Variants in SLC66A2 observed in about 807,000 individuals in gnomAD.
The protein encoded by SLC66A2 is PQ loop repeat containing 1.
Under a neutral mutation model 25.5 loss-of-function variants are expected in SLC66A2, and 23 were observed. The ratio of observed to expected loss-of-function variants is 0.90; its 90% CI spans 0.65 to 1.28. SLC66A2 has a LOEUF of 1.28. SLC66A2 is among the 50% of genes most tolerant of loss of function. The probability of loss-of-function intolerance (pLI) is 0.00; values close to 1 mark genes in which losing one functional copy is unlikely to be tolerated. For missense variants in SLC66A2, 396 were observed against 373.1 expected, an observed-to-expected ratio of 1.06 and a Z score of -0.51; for synonymous variants, 193 against 166.5, an observed-to-expected ratio of 1.16 and a Z score of -1.23.
intron 2 of SLC66A2, 79 bp downstream of exon 2, chr18:79,950,645 C>A: frequency 1.4e-6 from 2 of 1,445,312 alleles, no homozygotes; most frequent in Non-Finnish European, 1.9e-6. Context: ...CCCTGCTGCT[C>A]CCCCGGCCTC....
chr18:79,927,488 G>T lies in SLC66A2; in HGVS notation c.391+6481C>A, dbSNP rs1986096235. ...AAAGACGGCCACACCACCTGCTGCA[G>T]AATGAGTATAAATGCCCTTCTTAGC... On this transcript the variant is annotated intron_variant, in intron 4 of 5. Transcript: ENST00000397778. This position sits in a 1 kb window ranked among gnomAD's most constrained non-coding sequence, Gnocchi z 6.2. 6.6e-6 allele frequency among the ~76,000 whole-genome samples: 1 copy of T among 152,260 alleles called. No homozygotes were observed. Among genetic ancestry groups the T allele is most frequent in the South Asian group, 2.1e-4 (1 of 4,834 alleles).
chr18:79,912,107 TG>T (rs1270341909), intron 5 of SLC66A2, among the ~76,000 whole-genome samples: 3 of 12,986 alleles, frequency 2.3e-4, no homozygotes, highest in East Asian at 2.7e-3. Context: ...GGGACAGGAG[TG>T]GGGGGGACGG....
rs984611144 is a variant in SLC66A2 at position 79,922,065 on chromosome 18, C to T, written c.392-2665G>A. 4.2e-4 allele frequency among the ~76,000 whole-genome samples: 63 copies of T among 150,964 alleles called. 1 individual carries two copies. Among genetic ancestry groups the T allele is most frequent in the African/African-American group, 6.4e-4 (26 of 40,548 alleles). On this transcript the variant is annotated intron_variant, in intron 4 of 5. Coordinates refer to ENST00000397778, the MANE Select transcript of SLC66A2 (RefSeq NM_025078.5). Reference sequence around the variant, plus strand: ...TCGGTGAGGAGAGATGGGAACTGAGCGAGGGGTCAAATCAGGGAGGAGCCA... The same window carrying T: ...TCGGTGAGGAGAGATGGGAACTGAGTGAGGGGTCAAATCAGGGAGGAGCCA...
chr18:79,938,883 G>A (rs1193827888), intron 3 of SLC66A2, among the ~76,000 whole-genome samples: 1 of 152,078 alleles, frequency 6.6e-6, no homozygotes, highest in African/African-American at 2.4e-5. Context: ...TCACCATGTT[G>A]GCCAGGATGG....
chr18:79,909,715 A>AGACTTTTTCTAGTTCACTCT (rs1568292532), intron 5 of SLC66A2, among the ~76,000 whole-genome samples: 15 of 105,904 alleles, frequency 1.4e-4, no homozygotes, highest in African/African-American at 2.7e-4. Flanking sequence ...CCATCTCACA[A>AGACTTTTTCTAGTTCACTCT]CAGAGTCCCC....
At position 79,951,005 on chromosome 18, in the gene SLC66A2, G is replaced by C; in HGVS notation, c.-79C>G. ...GGCCGCCTGCTCATCGCCGCTCCGC[G>C]CGCTCCTGCGGCCTCGGGGCCTGCG... On this transcript the variant is annotated 5_prime_UTR_variant, in exon 2 of 6. Coordinates refer to ENST00000397778, the MANE Select transcript of SLC66A2 (RefSeq NM_025078.5). 1 of 1,163,058 alleles carries C rather than the reference G, an allele frequency of 8.6e-7. No individual in the cohort carries two copies. The highest frequency in any genetic ancestry group is 1.1e-6 in the Non-Finnish European group (1 of 883,724). 72.0% of individuals were successfully genotyped at this position (1,163,058 alleles called of 1,614,324 possible).
Position 79,940,274 on chromosome 18 carries a change from A to G in SLC66A2, c.337+3055T>C, listed in dbSNP as rs1987539954. Among the ~76,000 whole-genome samples, 1 of 152,134 alleles carries G rather than the reference A, an allele frequency of 6.6e-6. No homozygotes were observed. Among genetic ancestry groups the G allele is most frequent in the Non-Finnish European group, 1.5e-5 (1 of 68,004 alleles). Reference sequence around the variant, plus strand: ...AGGGAGAGGACCGGGAAAAATAACCAGTGGGTACTAGGCTTAATACCTGGG... The same window carrying G: ...AGGGAGAGGACCGGGAAAAATAACCGGTGGGTACTAGGCTTAATACCTGGG... On this transcript the variant is annotated intron_variant, in intron 3 of 5. Transcript: ENST00000397778. This position sits in a 1 kb window ranked among gnomAD's most constrained non-coding sequence, Gnocchi z 4.1.
chr18:79,949,381 G>A (rs2051039678), intron 2 of SLC66A2: 2 of 152,254 alleles, frequency 1.3e-5, no homozygotes, highest in South Asian at 4.1e-4. Flanking sequence ...AAACTAACAG[G>A]CGGGCCAGGC....
intron 4 of SLC66A2, chr18:79,924,898 G>C (rs1202137280): frequency 6.6e-6 from 1 of 152,248 alleles, no homozygotes; most frequent in East Asian, 1.9e-4. Flanking sequence ...ACATGTGCTG[G>C]GGAATTGGAG....
intron 5 of SLC66A2, among the ~76,000 whole-genome samples, chr18:79,910,664 T>C (rs901177907): frequency 3.3e-5 from 5 of 152,228 alleles, no homozygotes; most frequent in Non-Finnish European, 5.9e-5. Context: ...AAATCCTATA[T>C]AAAGGACCAA....
intron 5 of SLC66A2, among the ~76,000 whole-genome samples, chr18:79,914,337 C>A (rs370740652): frequency 6.0e-4 from 92 of 152,324 alleles, no homozygotes; most frequent in African/African-American, 2.2e-3. Flanking sequence ...AAACCACTAC[C>A]CACAATGGCT....
chr18:79,909,610 C>T (rs1336106895), intron 5 of SLC66A2, among the ~76,000 whole-genome samples: 1 of 119,938 alleles, frequency 8.3e-6, no homozygotes, highest in Admixed American at 9.1e-5. Context: ...CCTTCCCCAG[C>T]ATCTCACCAC....
At chr18:79,915,582 A>C (rs1983883920) in intron 5 of SLC66A2, 1 of 152,290 alleles carries the variant, frequency 6.6e-6, no homozygotes, top group Admixed American at 6.5e-5. Context: ...ACAACGTGCC[A>C]GCTGTGTGGG....
Position 79,934,041 on chromosome 18 carries a change from G to T in SLC66A2, c.338-19C>A. ...TCTGCAGCTACACGTTAAAAAGGGA[G>T]ACAGAAACAGAAAGGGGAAAAAGAC... is the stretch of plus-strand genomic sequence containing the variant. On this transcript the variant is annotated intron_variant, in intron 3 of 5. Transcript: ENST00000397778. The T allele has an allele frequency of 6.2e-7, 1 of 1,606,484 alleles. No individual in the cohort carries two copies. The highest frequency in any genetic ancestry group is 8.5e-7 in the Non-Finnish European group (1 of 1,175,848).
At chr18:79,922,139 C>T (rs1390512608) in intron 4 of SLC66A2, among the ~76,000 whole-genome samples, 1 of 152,038 alleles carries the variant, frequency 6.6e-6, no homozygotes. Context: ...CAAATAATAA[C>T]TCAACATAAA....
At chr18:79,951,415 G>A (rs940591148) in intron 1 of SLC66A2, among the ~76,000 whole-genome samples, 166 bp downstream of exon 1, 7 of 150,740 alleles carry the variant, frequency 4.6e-5, no homozygotes, top group Admixed American at 3.3e-4. Context: ...GGAAGGGGGC[G>A]CAGGCCCAGG....
chr18:79,914,375 G>A (rs1983672368), intron 5 of SLC66A2, among the ~76,000 whole-genome samples: 2 of 152,190 alleles, frequency 1.3e-5, no homozygotes, highest in East Asian at 3.9e-4. Flanking sequence ...TGACAGGGCT[G>A]GGGATACCAC....
intron 3 of SLC66A2, among the ~76,000 whole-genome samples, chr18:79,935,132 G>A (rs937200182): frequency 2.0e-5 from 3 of 152,056 alleles, no homozygotes; most frequent in Admixed American, 1.3e-4. Flanking sequence ...ATCCTCAAGG[G>A]GTGGGAGGGA....
At chr18:79,910,730 A>G (rs1383954933) in intron 5 of SLC66A2, among the ~76,000 whole-genome samples, 3 of 152,360 alleles carry the variant, frequency 2.0e-5, no homozygotes, top group East Asian at 1.9e-4. Flanking sequence ...GACTGTGTCT[A>G]TTTTGCCCAG....
Sources: allele counts gnomAD v4.1 joint callset (sites outside exome capture counted in the v4.1 genomes callset), GRCh38; gene constraint gnomAD v4.1.1; non-coding constraint Gnocchi (gnomAD v3.1); transcripts MANE v1.5; gene names NCBI Gene and HGNC (gene_info 2026-07-23, HGNC 2026-07-21).